QPCT: variants seen among roughly 807,000 people sequenced by gnomAD.
QPCT encodes glutaminyl-peptide cyclotransferase, also known as EC.
QPCT carries 44 observed loss-of-function variants against 43.4 expected under a neutral mutation model. The observed-to-expected ratio is 1.01, with a 90% CI of 0.80 to 1.30. The LOEUF (loss-of-function observed/expected upper bound fraction) is 1.30. QPCT is among the 50% of genes most tolerant of loss of function. The pLI, the probability that QPCT is intolerant of heterozygous loss-of-function variation, is 0.00. For missense variants in QPCT, 526 were observed against 436.5 expected (o/e 1.21, Z -1.83); for synonymous variants, 168 against 168.4 (o/e 1.00, Z 0.02).
At chr2:37,368,601 T>A (rs2124942460) in intron 4 of QPCT, 1 of 471,182 alleles carries the variant, frequency 2.1e-6, no homozygotes, top group East Asian at 6.9e-5. Flanking sequence ...CACCTCCTGT[T>A]GGCATTTGCT....
intron 3 of QPCT, among the ~76,000 whole-genome samples, chr2:37,366,052 G>A (rs1572736739): frequency 1.3e-5 from 2 of 152,198 alleles, no homozygotes; most frequent in African/African-American, 4.8e-5. Context: ...AGTTGAGGGT[G>A]TATGCTAGTG....
At chr2:37,356,547 G>C (rs181316103) in intron 2 of QPCT, among the ~76,000 whole-genome samples, 1 of 152,296 alleles carries the variant, frequency 6.6e-6, no homozygotes, top group Non-Finnish European at 1.5e-5. Flanking sequence ...TGGTCGTTTG[G>C]GGAGTTCCCC....
intron 3 of QPCT, among the ~76,000 whole-genome samples, chr2:37,362,626 A>T (rs1039577826): frequency 6.6e-6 from 1 of 152,246 alleles, no homozygotes. Context: ...GAAAGTAGAG[A>T]ACATCTGTGA....
Position 37,372,840 on chromosome 2 carries a change from G to A in QPCT, c.*13G>A, listed in dbSNP as rs551401966. The A allele has an allele frequency of 3.8e-6, 6 of 1,588,940 alleles. No individual in the cohort carries two copies. In the African/African-American group the frequency reaches 5.4e-5, roughly 14 times the overall value. On this transcript the variant is annotated 3_prime_UTR_variant, in exon 7 of 7. Transcript: ENST00000338415. ...TCTTCATTTGTAATACTCTGATTTA[G>A]TTTAGGATAATTGGTTCTAGAATTG...
chr2:37,357,812 G>T (rs1243986868), intron 2 of QPCT, among the ~76,000 whole-genome samples: 1 of 151,928 alleles, frequency 6.6e-6, no homozygotes, highest in Non-Finnish European at 1.5e-5. Flanking sequence ...TTGCCTACGT[G>T]TCATGTCGCA....
At chr2:37,368,973 G>C (rs1313801423) in intron 4 of QPCT, among the ~76,000 whole-genome samples, 2 of 151,954 alleles carry the variant, frequency 1.3e-5, no homozygotes, top group South Asian at 4.2e-4. Flanking sequence ...TATGTCTTTA[G>C]GATCACACAC....
chr2:37,353,594 A>G (rs1672669330), intron 2 of QPCT, among the ~76,000 whole-genome samples: 1 of 152,218 alleles, frequency 6.6e-6, no homozygotes, highest in East Asian at 1.9e-4. Flanking sequence ...AACTGATTTC[A>G]AGACCCATTG....
At chr2:37,348,210 A>G (rs1423830516) in intron 1 of QPCT, among the ~76,000 whole-genome samples, 2 of 152,038 alleles carry the variant, frequency 1.3e-5, no homozygotes, top group Non-Finnish European at 2.9e-5. Context: ...TTGGAGCCTT[A>G]CCATCTAGTT....
At position 37,359,561 on chromosome 2, in the gene QPCT, G is replaced by T. The variant is rs1326785154; in HGVS notation, c.268-19G>T. ...CCATTTCTTTAGATCTAAATTTTTT[G>T]TTTTTTTGTTTTGATCAGCACATCA... On this transcript the variant is annotated intron_variant, in intron 2 of 6. Coordinates refer to ENST00000338415, the MANE Select transcript of QPCT (RefSeq NM_012413.4). 1.1e-5 allele frequency: 18 copies of T among 1,577,494 alleles called. No homozygotes were observed. In the Admixed American group the frequency reaches 1.9e-4, roughly 16 times the overall value.
At chr2:37,367,845 G>T (rs117713999) in intron 4 of QPCT, among the ~76,000 whole-genome samples, 1 of 152,188 alleles carries the variant, frequency 6.6e-6, no homozygotes, top group East Asian at 1.9e-4. Context: ...CTCCAGCCTG[G>T]GTGACAGAGG....
At chr2:37,368,271 C>A in intron 4 of QPCT, 1 of 250,338 alleles carries the variant, frequency 4.0e-6, no homozygotes, top group Non-Finnish European at 8.0e-6. Context: ...CACACAGCCT[C>A]ATTTTCATCC....
chr2:37,355,831 G>C (rs1205540632), intron 2 of QPCT, among the ~76,000 whole-genome samples: 7 of 152,090 alleles, frequency 4.6e-5, no homozygotes, highest in Non-Finnish European at 1.0e-4. Context: ...GTCTAAAAGA[G>C]GCAAACTAGA....
At chr2:37,351,711 G>A (rs988739658) in intron 1 of QPCT, among the ~76,000 whole-genome samples, 4 of 151,908 alleles carry the variant, frequency 2.6e-5, no homozygotes, top group East Asian at 1.9e-4. Context: ...ATGAAACCCC[G>A]TCTCTACTAA....
In QPCT at chr2:37,359,695, A is replaced by T. The variant is rs1430482353; in HGVS notation, c.383A>T (p.Asn128Ile). The part of the protein sequence containing the change: ...RSFSNIISTL[N>I]PTAKRHLVLA... ...TTCTCAAATATCATCAGCACCCTCA[A>T]TCCCACTGCTAAACGACATTTGGTC... Residue 128 changes from asparagine (N) to isoleucine (I), a missense_variant, in exon 3 of 7, where the codon AAT becomes ATT. Physicochemically the swap from Asn to Ile is moderately radical, Grantham distance 149 (BLOSUM62 -3). Coordinates refer to ENST00000338415, the MANE Select transcript of QPCT (RefSeq NM_012413.4). The T allele has an allele frequency of 6.2e-7, 1 of 1,614,026 alleles. No homozygotes were observed. Among genetic ancestry groups the T allele is most frequent in the East Asian group, 2.2e-5 (1 of 44,898 alleles).
rs968606648 is a variant in QPCT, at chr2:37,344,913, G to A, written c.120+62G>A. The A allele has an allele frequency of 1.1e-5, 17 of 1,487,738 alleles. No individual in the cohort carries two copies. In the African/African-American group the frequency reaches 2.5e-4, roughly 22 times the overall value. 92.2% of individuals were successfully genotyped at this position (1,487,738 alleles called of 1,614,324 possible). A position where few individuals can be genotyped will look rare whatever the true frequency, so the allele number is the denominator to read the frequency against. Reference sequence around the variant, plus strand: ...CTCTGGTCCGATGCGAGGACCCCTGGCCGGGTCAGCCCTACCTAGGCAGAG... The same window carrying A: ...CTCTGGTCCGATGCGAGGACCCCTGACCGGGTCAGCCCTACCTAGGCAGAG... On this transcript the variant is annotated intron_variant, in intron 1 of 6. Coordinates refer to ENST00000338415, the MANE Select transcript of QPCT (RefSeq NM_012413.4).
chr2:37,362,009 T>G (rs1317734083), intron 3 of QPCT, among the ~76,000 whole-genome samples: 1 of 152,230 alleles, frequency 6.6e-6, no homozygotes, highest in Non-Finnish European at 1.5e-5. Context: ...AAAGAGCAGG[T>G]TGCCTCATGG....
chr2:37,367,040 G>C (rs1436883173), intron 3 of QPCT, 192 bp from the exon 4 acceptor site: 3 of 593,282 alleles, frequency 5.1e-6, no homozygotes, highest in Non-Finnish European at 8.8e-6. Context: ...GTTTATATGG[G>C]TGAAGACTGT....
At chr2:37,366,410 G>A (rs888831346) in intron 3 of QPCT, among the ~76,000 whole-genome samples, 3 of 152,104 alleles carry the variant, frequency 2.0e-5, no homozygotes, top group Non-Finnish European at 2.9e-5. Flanking sequence ...ATTTTGCCAT[G>A]CTTATGTATT....
chr2:37,344,848 G>C lies in QPCT; in HGVS notation c.117G>C (p.Glu39Asp). The C allele has an allele frequency of 6.3e-7, 1 of 1,589,948 alleles. No homozygotes were observed. The highest frequency in any genetic ancestry group is 1.1e-5 in the South Asian group (1 of 88,188). ...CGAGTGCCTCAGCCTGGCCAGAGGA[G>C]AAGGTGAGGGGCTGTTTCTGCGTAG... ...VSPSASAWPE[E>D]KNYHQPAILN... The change falls in exon 1 of 7, where the codon GAG becomes GAC. Residue 39 changes from glutamate to aspartate, a missense_variant. Glu to Asp is a conservative substitution (Grantham distance 45). Transcript: ENST00000338415.
Sources: allele counts gnomAD v4.1 joint callset (sites outside exome capture counted in the v4.1 genomes callset), GRCh38; gene constraint gnomAD v4.1.1; transcripts MANE v1.5; gene names NCBI Gene and HGNC (gene_info 2026-07-23, HGNC 2026-07-21).